Variants in EDIL3 observed in about 807,000 individuals in gnomAD.
EDIL3 encodes EGF like and discoidin domains 3, also known as EGF-like repeat and discoidin I-like domain-containing protein 3.
Under a neutral mutation model 67.4 loss-of-function variants are expected in EDIL3, and 37 were observed. That is an observed-to-expected ratio of 0.55 (90% CI 0.42 to 0.72). The LOEUF is 0.72. Ranked by LOEUF, EDIL3 falls within the 30% of genes least tolerant of loss-of-function variation. EDIL3 has a pLI of 0.00. For synonymous variants in EDIL3, 195 were observed against 196.3 expected (o/e 0.99, Z 0.05); for missense variants, 527 against 586.3 (o/e 0.90, Z 1.04).
At chr5:84,150,010 A>G (rs1580350210) in intron 4 of EDIL3, among the ~76,000 whole-genome samples, 1 of 152,128 alleles carries the variant, frequency 6.6e-6, no homozygotes, top group East Asian at 1.9e-4. Context: ...AATGGAAAGT[A>G]TAAAATATTT....
intron 9 of EDIL3, among the ~76,000 whole-genome samples, chr5:83,986,946 GA>G (rs1251359682): frequency 5.9e-5 from 9 of 152,120 alleles, no homozygotes; most frequent in African/African-American, 2.2e-4. Flanking sequence ...GTGAATTTGG[GA>G]AGGGACTTTC....
At chr5:84,379,609 GT>G (rs1049440753) in intron 1 of EDIL3, among the ~76,000 whole-genome samples, 14 of 152,046 alleles carry the variant, frequency 9.2e-5, no homozygotes, top group African/African-American at 3.4e-4. Context: ...ATTAATAATT[GT>G]TTTACTACAA....
intron 9 of EDIL3, among the ~76,000 whole-genome samples, chr5:83,979,017 G>C (rs1038191865): frequency 6.6e-6 from 1 of 151,962 alleles, no homozygotes; most frequent in African/African-American, 2.4e-5. Flanking sequence ...AAAACATAGA[G>C]TCTGAGAGAA....
chr5:84,259,430 C>T (rs1169967867), intron 1 of EDIL3, among the ~76,000 whole-genome samples: 1 of 152,134 alleles, frequency 6.6e-6, no homozygotes, highest in Non-Finnish European at 1.5e-5. Flanking sequence ...GTTTCTTGGC[C>T]GGCTGGCCTC....
intron 1 of EDIL3, among the ~76,000 whole-genome samples, chr5:84,351,814 C>T (rs1747367443): frequency 1.3e-5 from 2 of 152,000 alleles, no homozygotes; most frequent in South Asian, 4.2e-4. Context: ...TAAAAAGCTT[C>T]TGCATACCAA....
At chr5:84,262,051 T>G (rs1477225949) in intron 1 of EDIL3, among the ~76,000 whole-genome samples, 1 of 152,156 alleles carries the variant, frequency 6.6e-6, no homozygotes, top group East Asian at 1.9e-4. Context: ...AAAAACAAAA[T>G]CTTTTTGCAT....
Position 84,028,467 on chromosome 5 carries a change from C to T in EDIL3, c.1137+31833G>A, listed in dbSNP as rs61129000. Among the ~76,000 whole-genome samples, 168 of 152,212 alleles carry T rather than the reference C, an allele frequency of 1.1e-3. 1 individual carries two copies. The highest frequency in any genetic ancestry group is 3.8e-3 in the African/African-American group (157 of 41,536). On this transcript the variant is annotated intron_variant, in intron 9 of 10. Transcript: ENST00000296591. ...AAACTTAAGTCTTGATTCTACCATA[C>T]GTTAGTCATATGGCCTTGAGCAAGC... is the stretch of plus-strand genomic sequence containing the variant.
At position 84,069,739 on chromosome 5, in the gene EDIL3, C is replaced by T. The variant is rs151169612; in HGVS notation, c.652-3133G>A. Among the ~76,000 whole-genome samples the T allele has an allele frequency of 2.8e-3, 432 of 152,228 alleles. 5 individuals are homozygous for T. Among genetic ancestry groups the T allele is most frequent in the African/African-American group, 9.8e-3 (408 of 41,540 alleles). On this transcript the variant is annotated intron_variant, in intron 6 of 10. Transcript: ENST00000296591. ...GGCAGGGACCCTGGCGAGCGTTCCA[C>T]CCTCGGGCCTGTGCCCACGGATCTA...
chr5:84,229,970 G>T (rs532542202), intron 2 of EDIL3, 86 bp from the exon 3 acceptor site: 2 of 1,245,252 alleles, frequency 1.6e-6, no homozygotes, highest in Admixed American at 2.3e-5. Flanking sequence ...GAGAAAAAGA[G>T]ATATTGAGAT....
intron 6 of EDIL3, among the ~76,000 whole-genome samples, chr5:84,095,996 C>T (rs113539977): frequency 1.3e-5 from 2 of 152,234 alleles, no homozygotes; most frequent in Non-Finnish European, 1.5e-5. Flanking sequence ...ATTTCACATA[C>T]GGATTTTTTT....
intron 9 of EDIL3, among the ~76,000 whole-genome samples, chr5:83,992,127 T>C (rs984254860): frequency 2.0e-5 from 3 of 152,144 alleles, no homozygotes; most frequent in Non-Finnish European, 4.4e-5. Context: ...GCAAGAACAA[T>C]AGTGGATATT....
At chr5:83,946,090 A>T (rs1744302990) in intron 10 of EDIL3, among the ~76,000 whole-genome samples, 1 of 151,960 alleles carries the variant, frequency 6.6e-6, no homozygotes, top group South Asian at 2.1e-4. Context: ...TTTTTAGTTA[A>T]CTTCATAAAA....
chr5:84,301,142 C>A (rs932340192), intron 1 of EDIL3, among the ~76,000 whole-genome samples: 2 of 152,046 alleles, frequency 1.3e-5, no homozygotes, highest in East Asian at 3.9e-4. Flanking sequence ...GTGGCTCATG[C>A]CTGTAATCCC....
intron 1 of EDIL3, among the ~76,000 whole-genome samples, chr5:84,314,449 C>G (rs1026027285): frequency 3.9e-5 from 6 of 152,144 alleles, no homozygotes; most frequent in African/African-American, 1.4e-4. Context: ...ATTTGACTTT[C>G]ATAAAATGAA....
rs145308822 is a variant in EDIL3, at chr5:84,271,190, T to C, written c.68-16978A>G. Among the ~76,000 whole-genome samples, 702 of 152,160 alleles carry C rather than the reference T, an allele frequency of 4.6e-3. 4 individuals carry two copies. The highest frequency in any genetic ancestry group is 0.016 in the African/African-American group (670 of 41,518). ...ATTAGATGTGAAATTAGAATGCCCG[T>C]TTAACTATCACTTAAAATAAAGGAG... On this transcript the variant is annotated intron_variant, in intron 1 of 10. Coordinates refer to ENST00000296591, the MANE Select transcript of EDIL3 (RefSeq NM_005711.5).
chr5:83,994,776 T>C (rs1234967351), intron 9 of EDIL3, among the ~76,000 whole-genome samples: 1 of 152,178 alleles, frequency 6.6e-6, no homozygotes, highest in East Asian at 1.9e-4. Context: ...GTTTGTTTTT[T>C]AAGGAAACTT....
intron 4 of EDIL3, among the ~76,000 whole-genome samples, chr5:84,153,858 T>C (rs913083427): frequency 1.1e-4 from 16 of 152,230 alleles, no homozygotes; most frequent in African/African-American, 3.9e-4. Flanking sequence ...AGTTAATTGA[T>C]ATAACAATCA....
In EDIL3 at chr5:84,093,629, G is replaced by A. The variant is rs376702536; in HGVS notation, c.651+13020C>T. On this transcript the variant is annotated intron_variant, in intron 6 of 10. Coordinates refer to ENST00000296591, the MANE Select transcript of EDIL3 (RefSeq NM_005711.5). ...GAGGCACTGGGTACTCAAAGTGGGA[G>A]AGGAAGCAGAAGAGATTTCAGATGC... is the stretch of plus-strand genomic sequence containing the variant. Among the ~76,000 whole-genome samples the A allele has an allele frequency of 4.6e-5, 7 of 150,696 alleles. No individual in the cohort carries two copies. In the South Asian group the frequency reaches 1.1e-3, roughly 23 times the overall value.
In EDIL3 at chr5:84,103,618, C is replaced by A. The variant is rs972774390; in HGVS notation, c.651+3031G>T. Among the ~76,000 whole-genome samples the A allele has an allele frequency of 4.6e-5, 7 of 151,752 alleles. No homozygotes were observed. In the South Asian group the frequency reaches 1.0e-3, roughly 23 times the overall value. ...GCAGCCAACAATCATAGGAAAAAAA[C>A]CCTCAAAATCAGTTATCATTAGAGA... is the stretch of plus-strand genomic sequence containing the variant. On this transcript the variant is annotated intron_variant, in intron 6 of 10. Coordinates refer to ENST00000296591, the MANE Select transcript of EDIL3 (RefSeq NM_005711.5).
Sources: gnomAD v4.1 joint callset for allele counts (sites outside exome capture counted in the v4.1 genomes callset) on GRCh38, gnomAD v4.1.1 for gene constraint, MANE v1.5 for transcripts, NCBI Gene and HGNC (gene_info 2026-07-23, HGNC 2026-07-21) for gene names.